Variants in SRPK2 observed in about 807,000 individuals in gnomAD.
The protein encoded by SRPK2 is SFRS protein kinase 2.
SRPK2 carries 21 observed loss-of-function variants against 90.8 expected under a neutral mutation model. That is an observed-to-expected ratio of 0.23 (90% CI 0.16 to 0.33). SRPK2 has a LOEUF of 0.33. Ranked by LOEUF, SRPK2 falls within the 10% of genes least tolerant of loss-of-function variation. The pLI is 1.00. For synonymous variants in SRPK2, 288 were observed against 311.1 expected, an observed-to-expected ratio of 0.93 and a Z score of 0.78; for missense variants, 620 against 869.0, an observed-to-expected ratio of 0.71 and a Z score of 3.60.
rs1444673550 is a variant in SRPK2, at chr7:105,252,659, A to G, written c.72-48874T>C. ...GTATTTTAAACAATTTATAGAAATG[A>G]TACTTTATATATCCATTGAGTAAGA... On this transcript the variant is annotated intron_variant, in intron 2 of 15. Coordinates refer to ENST00000393651, the MANE Select transcript of SRPK2 (RefSeq NM_182692.3). Among the ~76,000 whole-genome samples, 4 of 152,134 alleles carry G rather than the reference A, an allele frequency of 2.6e-5. No homozygotes were observed. In the East Asian group the frequency reaches 7.7e-4, roughly 29 times the overall value.
intron 2 of SRPK2, among the ~76,000 whole-genome samples, chr7:105,262,715 C>T (rs148734480): frequency 5.9e-4 from 90 of 152,238 alleles, no homozygotes; most frequent in African/African-American, 1.9e-3. Flanking sequence ...CCCTCAGGAA[C>T]GCTCATGTTC....
Position 105,182,587 on chromosome 7 carries a change from A to T in SRPK2, c.230-13322T>A, listed in dbSNP as rs1585087080. Among the ~76,000 whole-genome samples, 3 of 151,908 alleles carry T rather than the reference A, an allele frequency of 2.0e-5. No homozygotes were observed. In the South Asian group the frequency reaches 6.2e-4, roughly 32 times the overall value. ...GTGTCTCAGTCTCCCAAGTAGCTGG[A>T]ATTACAGATGTGCACCAACATGCCC... is the stretch of plus-strand genomic sequence containing the variant. On this transcript the variant is annotated intron_variant, in intron 3 of 15. Coordinates refer to ENST00000393651, the MANE Select transcript of SRPK2 (RefSeq NM_182692.3).
At chr7:105,134,964 C>T (rs574021764) in intron 11 of SRPK2, among the ~76,000 whole-genome samples, 127 of 152,146 alleles carry the variant, frequency 8.3e-4, no homozygotes, top group Non-Finnish European at 9.6e-4. Context: ...CAGAACTCAG[C>T]AAAAATTCAG....
rs181405332 is a variant in SRPK2, at chr7:105,266,190, A to T, written c.72-62405T>A. On this transcript the variant is annotated intron_variant, in intron 2 of 15. Transcript: ENST00000393651. ...CAAATTCCATTATAATTTTACTTCA[A>T]ATCGTATGTATATTTTTCAGTGAAG... Among the ~76,000 whole-genome samples the T allele has an allele frequency of 2.7e-4, 41 of 152,248 alleles. No homozygotes were observed. The East Asian group carries it at 6.4e-3, about 24-fold the overall frequency.
At position 105,149,378 on chromosome 7, in the gene SRPK2, T is replaced by G. The variant is rs189401637; in HGVS notation, c.622-2720A>C. On this transcript the variant is annotated intron_variant, in intron 7 of 15. Coordinates refer to ENST00000393651, the MANE Select transcript of SRPK2 (RefSeq NM_182692.3). ...CATAGTACCTTCCCTTGAACTTAAT[T>G]ATGACATAGATTCTATTGCTCACGT... Among the ~76,000 whole-genome samples the G allele has an allele frequency of 8.5e-3, 1,287 of 152,236 alleles. 31 individuals are homozygous for G. The highest frequency in any genetic ancestry group is 0.045 in the Admixed American group (685 of 15,296).
At chr7:105,371,603 A>AC (rs1424338310) in intron 2 of SRPK2, among the ~76,000 whole-genome samples, 1 of 151,214 alleles carries the variant, frequency 6.6e-6, no homozygotes, top group Non-Finnish European at 1.5e-5. Flanking sequence ...AAAAAAAAAA[A>AC]ACACTAGTCA....
intron 2 of SRPK2, among the ~76,000 whole-genome samples, chr7:105,316,321 A>G (rs941091009): frequency 1.3e-5 from 2 of 152,132 alleles, no homozygotes; most frequent in South Asian, 2.1e-4. Flanking sequence ...CTCTCAAATT[A>G]CTGTGCATTA....
At chr7:105,388,733 G>C (rs1381482473) in intron 1 of SRPK2, 31 bp from the exon 2 acceptor site, 39 of 1,559,654 alleles carry the variant, frequency 2.5e-5, no homozygotes, top group Non-Finnish European at 3.4e-5. Context: ...ATTAACGGTC[G>C]GGCCGCCCGC....
At chr7:105,311,029 G>A (rs903731474) in intron 2 of SRPK2, among the ~76,000 whole-genome samples, 1 of 151,826 alleles carries the variant, frequency 6.6e-6, no homozygotes, top group Admixed American at 6.6e-5. Flanking sequence ...GTCCTTAACC[G>A]CTTAGTTGAC....
Position 105,118,134 on chromosome 7 carries a change from T to C in SRPK2, c.1916-112A>G, listed in dbSNP as rs1391278625. The stretch of plus-strand genomic sequence containing the variant: ...CGGACAACCACCTGCTCAACACTTG[T>C]ACAGCAACAACAAAGAACACCAGCT... On this transcript the variant is annotated intron_variant, in intron 15 of 15. Transcript: ENST00000393651. The C allele has an allele frequency of 5.9e-6, 6 of 1,023,024 alleles. No homozygotes were observed. In the Admixed American group the frequency reaches 1.3e-4, roughly 22 times the overall value. 63.4% of individuals were successfully genotyped at this position (1,023,024 alleles called of 1,614,324 possible).
chr7:105,282,034 A>T (rs1374508887), intron 2 of SRPK2, among the ~76,000 whole-genome samples: 1 of 152,176 alleles, frequency 6.6e-6, no homozygotes, highest in Non-Finnish European at 1.5e-5. Flanking sequence ...AAGTTGGAGG[A>T]CTCACACTTC....
intron 3 of SRPK2, among the ~76,000 whole-genome samples, chr7:105,188,001 A>ATATG (rs1204046308): frequency 6.6e-6 from 1 of 152,212 alleles, no homozygotes; most frequent in Non-Finnish European, 1.5e-5. Flanking sequence ...AGTGATTACC[A>ATATG]TATGACCCAG....
intron 2 of SRPK2, among the ~76,000 whole-genome samples, chr7:105,334,782 G>A (rs926580784): frequency 1.4e-5 from 2 of 147,220 alleles, no homozygotes; most frequent in African/African-American, 5.2e-5. Flanking sequence ...AGAGGTTGCA[G>A]TGAGCCAAAA....
At position 105,285,278 on chromosome 7, in the gene SRPK2, C is replaced by T. The variant is rs146035132; in HGVS notation, c.72-81493G>A. On this transcript the variant is annotated intron_variant, in intron 2 of 15. Coordinates refer to ENST00000393651, the MANE Select transcript of SRPK2 (RefSeq NM_182692.3). ...ATGCACGCCTATAATCCCAGCTACTCGGGAGGCTGAGGTGGGAGGATTGAA... is the reference window on the plus strand; with the variant it reads ...ATGCACGCCTATAATCCCAGCTACTTGGGAGGCTGAGGTGGGAGGATTGAA... Among the ~76,000 whole-genome samples, 423 of 149,888 alleles carry T rather than the reference C, an allele frequency of 2.8e-3. 11 individuals carry two copies. The East Asian group carries it at 0.056, about 20-fold the overall frequency.
At chr7:105,223,400 T>G (rs1798339445) in intron 2 of SRPK2, among the ~76,000 whole-genome samples, 1 of 152,210 alleles carries the variant, frequency 6.6e-6, no homozygotes, top group South Asian at 2.1e-4. Context: ...TTGCACTTTG[T>G]CCCTGACATA....
At chr7:105,324,515 T>C (rs1435343840) in intron 2 of SRPK2, among the ~76,000 whole-genome samples, 1 of 152,156 alleles carries the variant, frequency 6.6e-6, no homozygotes, top group African/African-American at 2.4e-5. Context: ...ATCTAGCTAA[T>C]GAATGTGCAA....
At chr7:105,282,961 C>A (rs1254120177) in intron 2 of SRPK2, among the ~76,000 whole-genome samples, 2 of 149,432 alleles carry the variant, frequency 1.3e-5, no homozygotes, top group East Asian at 3.9e-4. Flanking sequence ...AACCCAACAA[C>A]CCAATGATAA....
intron 13 of SRPK2, among the ~76,000 whole-genome samples, chr7:105,129,712 A>G (rs1012577618): frequency 1.3e-5 from 2 of 151,828 alleles, no homozygotes; most frequent in Non-Finnish European, 2.9e-5. Flanking sequence ...ATACCTGGGA[A>G]CTCCGGATTC....
chr7:105,117,593 G>C lies in SRPK2; in HGVS notation c.*245C>G. 1.9e-6 allele frequency: 1 copy of C among 518,860 alleles called. No homozygotes were observed. The highest frequency in any genetic ancestry group is 2.6e-5 in the South Asian group (1 of 38,808). 32.1% of individuals were successfully genotyped at this position (518,860 alleles called of 1,614,324 possible). Reference sequence around the variant, plus strand: ...CACACAACACAAGAAACAATGCTTAGAGACATGTTATTGTTTCCAGAAGAA... The same window carrying C: ...CACACAACACAAGAAACAATGCTTACAGACATGTTATTGTTTCCAGAAGAA... On this transcript the variant is annotated 3_prime_UTR_variant, in exon 16 of 16. Coordinates refer to ENST00000393651, the MANE Select transcript of SRPK2 (RefSeq NM_182692.3).
Sources: allele counts gnomAD v4.1 joint callset (sites outside exome capture counted in the v4.1 genomes callset), GRCh38; gene constraint gnomAD v4.1.1; transcripts MANE v1.5; gene names NCBI Gene and HGNC (gene_info 2026-07-23, HGNC 2026-07-21).